The following USP24 variants were observed in gnomAD, a reference collection of about 807,000 sequenced individuals.
USP24 encodes ubiquitin carboxyl-terminal hydrolase 24.
A neutral mutation model predicts 361.6 loss-of-function variants in USP24; 97 were observed. The observed-to-expected ratio is 0.27, with a 90% CI of 0.23 to 0.32. USP24 has a LOEUF of 0.32. USP24 is among the 10% of genes least tolerant of loss of function. The pLI is 1.00. For missense variants in USP24, 2,353 were observed against 3,165.6 expected, an observed-to-expected ratio of 0.74 and a Z score of 6.16; for synonymous variants, 1,098 against 1,124.6, an observed-to-expected ratio of 0.98 and a Z score of 0.47.
chr1:55,200,899 A>G (rs1175934131), intron 1 of USP24, among the ~76,000 whole-genome samples: 1 of 152,246 alleles, frequency 6.6e-6, no homozygotes, highest in Non-Finnish European at 1.5e-5. Context: ...CTTGTGTGCA[A>G]TATTTTTCTA....
At chr1:55,199,402 A>G (rs1251430226) in intron 1 of USP24, among the ~76,000 whole-genome samples, 1 of 152,238 alleles carries the variant, frequency 6.6e-6, no homozygotes, top group South Asian at 2.1e-4. Flanking sequence ...ATATTGCAGT[A>G]TAAGTGGAGA....
At chr1:55,070,557 T>C (rs569921164) in intron 67 of USP24, among the ~76,000 whole-genome samples, 4 of 152,000 alleles carry the variant, frequency 2.6e-5, no homozygotes, top group South Asian at 2.1e-4. Flanking sequence ...AACTGCTGAG[T>C]TGGAGAGAAG....
chr1:55,143,967 G>A (rs1434460105), intron 21 of USP24, among the ~76,000 whole-genome samples, 160 bp downstream of exon 21: 1 of 152,058 alleles, frequency 6.6e-6, no homozygotes, highest in Non-Finnish European at 1.5e-5. Flanking sequence ...CTTACACTAG[G>A]AGAAGCTCTG....
chr1:55,169,967 A>C (rs991428478), intron 5 of USP24, among the ~76,000 whole-genome samples: 7 of 152,152 alleles, frequency 4.6e-5, no homozygotes, highest in Admixed American at 1.3e-4. Flanking sequence ...AAGGAGGAGA[A>C]AGATACTAGT....
chr1:55,166,968 A>G, intron 5 of USP24, among the ~76,000 whole-genome samples: 1 of 152,212 alleles, frequency 6.6e-6, no homozygotes, highest in Non-Finnish European at 1.5e-5. Context: ...AAATCAGCAG[A>G]GATTAAAAGT....
At chr1:55,114,252 CAA>C (rs1646040055) in intron 38 of USP24, among the ~76,000 whole-genome samples, 2 of 152,176 alleles carry the variant, frequency 1.3e-5, no homozygotes, top group African/African-American at 4.8e-5. Context: ...AGGACACAAA[CAA>C]ATGGAAAAAC....
At chr1:55,076,275 T>C (rs1242160077) in intron 62 of USP24, among the ~76,000 whole-genome samples, 1 of 152,236 alleles carries the variant, frequency 6.6e-6, no homozygotes, top group African/African-American at 2.4e-5. Flanking sequence ...AAAAACTATA[T>C]GGGTTTGTTG....
chr1:55,075,721 C>T (rs1645016721), intron 62 of USP24, among the ~76,000 whole-genome samples, 198 bp from the exon 63 acceptor site: 2 of 152,044 alleles, frequency 1.3e-5, no homozygotes, highest in Non-Finnish European at 2.9e-5. Context: ...TATCTCAGCA[C>T]TTTGCAAGGC....
intron 1 of USP24, among the ~76,000 whole-genome samples, chr1:55,180,958 G>C (rs190102381): frequency 6.6e-6 from 1 of 151,884 alleles, no homozygotes; most frequent in East Asian, 1.9e-4. Flanking sequence ...ACTATTAATA[G>C]GGTAACTGCC....
At position 55,159,549 on chromosome 1, in the gene USP24, C is replaced by T. The variant is rs1648046992; in HGVS notation, c.1068+62G>A. 2.8e-6 allele frequency: 4 copies of T among 1,430,428 alleles called. No homozygotes were observed. In the Admixed American group the frequency reaches 7.9e-5, roughly 28 times the overall value. The allele number at this position is 1,430,428 out of a possible 1,614,324, so 88.6% of individuals were successfully genotyped here. A position where few individuals can be genotyped will look rare whatever the true frequency, so the allele number is the denominator to read the frequency against. ...GCATGGTGTGTGAACCCTGCTAAGTCCTGGCTCTGCTTCTGTGAACTAACT... is the reference window on the plus strand; with the variant it reads ...GCATGGTGTGTGAACCCTGCTAAGTTCTGGCTCTGCTTCTGTGAACTAACT... On this transcript the variant is annotated intron_variant, in intron 9 of 67. Transcript: ENST00000294383.
chr1:55,213,022 T>C (rs951456771), intron 1 of USP24, among the ~76,000 whole-genome samples: 8 of 152,182 alleles, frequency 5.3e-5, no homozygotes, highest in Non-Finnish European at 1.0e-4. Context: ...TTAAATTGAT[T>C]TTCCAATCAC....
At chr1:55,181,620 ATACG>A (rs1643968488) in intron 1 of USP24, among the ~76,000 whole-genome samples, 1 of 152,210 alleles carries the variant, frequency 6.6e-6, no homozygotes, top group Admixed American at 6.5e-5. Context: ...CTAAGTGGGT[ATACG>A]TCATTACTAT....
Position 55,094,092 on chromosome 1 carries a change from G to A in USP24, c.6204-5C>T. The A allele has an allele frequency of 6.2e-7, 1 of 1,610,280 alleles. No individual in the cohort carries two copies. Among genetic ancestry groups the A allele is most frequent in the South Asian group, 1.1e-5 (1 of 90,444 alleles). ...TCTGGTGAAGATGGAGCTGACCTAA[G>A]AGATAGAATCAGAAAACTCTGTCTA... On this transcript the variant is annotated splice_region_variant and splice_polypyrimidine_tract_variant and intron_variant, in intron 51 of 67. Transcript: ENST00000294383.
In USP24 at chr1:55,107,297, C is replaced by T; in HGVS notation, c.4704G>A (p.Gly1568=). The part of the protein sequence containing the change: ...TSEADNILLA[G]HLRLIKTLLS... ...GAAGGGTCTTGATGAGGCGTAAGTGCCCTGCCAGTAAGATGTTGTCCGCTT... is the reference window on the plus strand; with the variant it reads ...GAAGGGTCTTGATGAGGCGTAAGTGTCCTGCCAGTAAGATGTTGTCCGCTT... The change falls in exon 40 of 68, where the codon GGG becomes GGA. Residue 1568 remains glycine, a synonymous_variant. Transcript: ENST00000294383. 1.9e-6 allele frequency: 3 copies of T among 1,613,914 alleles called. No individual in the cohort carries two copies. The highest frequency in any genetic ancestry group is 2.5e-6 in the Non-Finnish European group (3 of 1,179,866).
intron 41 of USP24, among the ~76,000 whole-genome samples, chr1:55,104,707 CACTT>C (rs1439685078): frequency 6.6e-6 from 1 of 152,082 alleles, no homozygotes; most frequent in Non-Finnish European, 1.5e-5. Context: ...CTGAGTGAAA[CACTT>C]AGGGAATGTA....
intron 31 of USP24, among the ~76,000 whole-genome samples, chr1:55,130,110 T>G (rs1392320671): frequency 6.6e-6 from 1 of 152,234 alleles, no homozygotes; most frequent in Non-Finnish European, 1.5e-5. Flanking sequence ...AATCCAGATG[T>G]GTCTCATTCT....
At position 55,083,376 on chromosome 1, in the gene USP24, T is replaced by C. The variant is rs1645189606; in HGVS notation, c.6883-12A>G. 4 of 1,612,290 alleles carry C rather than the reference T, an allele frequency of 2.5e-6. No individual in the cohort carries two copies. The highest frequency in any genetic ancestry group is 2.7e-5 in the African/African-American group (2 of 74,860). Reference sequence around the variant, plus strand: ...GCCCTAATTCCTTGCTGTCACAAGATATTGAGAATAACAAATTATATTTCT... The same window carrying C: ...GCCCTAATTCCTTGCTGTCACAAGACATTGAGAATAACAAATTATATTTCT... On this transcript the variant is annotated splice_polypyrimidine_tract_variant and intron_variant, in intron 57 of 67. Coordinates refer to ENST00000294383, the MANE Select transcript of USP24 (RefSeq NM_015306.3).
At position 55,158,961 on chromosome 1, in the gene USP24, T is replaced by C. The variant is rs1422915469; in HGVS notation, c.1144A>G (p.Ile382Val). 3.8e-6 allele frequency: 6 copies of C among 1,599,682 alleles called. No individual in the cohort carries two copies. The highest frequency in any genetic ancestry group is 5.1e-6 in the Non-Finnish European group (6 of 1,171,826). ...CMRFQPDLVTIVDDLRLDILL... is the reference protein window; with the variant it reads ...CMRFQPDLVTVVDDLRLDILL... The stretch of plus-strand genomic sequence containing the variant: ...ATATCTAGTCGAAGGTCATCCACAA[T>C]TGTCACCAGATCCGGTTGGAAGCGC... Residue 382 changes from isoleucine to valine, a missense_variant, in exon 10 of 68, where the codon ATT (isoleucine) becomes GTT (valine). Ile to Val is a conservative substitution (Grantham distance 29). Coordinates refer to ENST00000294383, the MANE Select transcript of USP24 (RefSeq NM_015306.3).
chr1:55,078,903 C>T (rs1261000440), intron 60 of USP24, among the ~76,000 whole-genome samples: 1 of 150,018 alleles, frequency 6.7e-6, no homozygotes, highest in Non-Finnish European at 1.5e-5. Flanking sequence ...GGCAAAAGCT[C>T]CCACAATTAA....
Sources: allele counts gnomAD v4.1 joint callset (sites outside exome capture counted in the v4.1 genomes callset), GRCh38; gene constraint gnomAD v4.1.1; transcripts MANE v1.5; gene names NCBI Gene and HGNC (gene_info 2026-07-23, HGNC 2026-07-21).